Variants in CORIN observed in about 807,000 individuals in gnomAD.
CORIN encodes corin, serine peptidase, also known as atrial natriuretic peptide-converting enzyme.
In CORIN, 117 loss-of-function variants were observed where a neutral mutation model predicts 125.3. The ratio of observed to expected loss-of-function variants is 0.93; its 90% CI spans 0.80 to 1.09. The LOEUF (loss-of-function observed/expected upper bound fraction) is 1.09, where lower values mean the gene tolerates loss of function less well. CORIN is among the 50% of genes least tolerant of loss of function. CORIN has a pLI of 0.00. For synonymous variants in CORIN, 450 were observed against 466.4 expected (o/e 0.96, Z 0.45); for missense variants, 1,253 against 1,306.7 (o/e 0.96, Z 0.63).
intron 16 of CORIN, among the ~76,000 whole-genome samples, chr4:47,630,944 AGAAAAGG>A (rs1485613413): frequency 2.0e-5 from 3 of 152,170 alleles, no homozygotes; most frequent in Admixed American, 2.0e-4. Context: ...GCATCACTCT[AGAAAAGG>A]GATGAGGCTC....
chr4:47,815,059 G>A (rs1732208011), intron 1 of CORIN, among the ~76,000 whole-genome samples: 1 of 152,140 alleles, frequency 6.6e-6, no homozygotes, highest in Admixed American at 6.6e-5. Flanking sequence ...TTGTTTAGCT[G>A]AAGTCTGAAC....
At chr4:47,733,946 C>T (rs563126294) in intron 5 of CORIN, among the ~76,000 whole-genome samples, 4 of 152,164 alleles carry the variant, frequency 2.6e-5, no homozygotes, top group African/African-American at 9.6e-5. Context: ...GCAGCTGTTA[C>T]AAGTTGTGGG....
At chr4:47,632,725 T>TGACAGATA (rs1722859579) in intron 16 of CORIN, among the ~76,000 whole-genome samples, 1 of 126,658 alleles carries the variant, frequency 7.9e-6, no homozygotes, top group Non-Finnish European at 1.6e-5. Context: ...TGACAATAGA[T>TGACAGATA]GATAGATAGA....
chr4:47,606,731 C>A (rs1471404802), intron 19 of CORIN, among the ~76,000 whole-genome samples: 1 of 145,114 alleles, frequency 6.9e-6, no homozygotes, highest in Non-Finnish European at 1.5e-5. Context: ...TTTTTTCCTT[C>A]TTTTCCTTAT....
chr4:47,786,969 A>AT, intron 2 of CORIN, 44 bp from the exon 3 acceptor site: 1 of 1,329,006 alleles, frequency 7.5e-7, no homozygotes, highest in Non-Finnish European at 1.1e-6. Flanking sequence ...TCTTTGAAAC[A>AT]TTACTAGAAG....
intron 5 of CORIN, among the ~76,000 whole-genome samples, chr4:47,726,350 C>T (rs577248088): frequency 1.3e-5 from 2 of 151,978 alleles, no homozygotes; most frequent in Non-Finnish European, 2.9e-5. Flanking sequence ...TACAGCCATA[C>T]AATGGAATAC....
intron 4 of CORIN, among the ~76,000 whole-genome samples, chr4:47,745,868 T>TA (rs1439200453): frequency 6.6e-6 from 1 of 152,200 alleles, no homozygotes; most frequent in African/African-American, 2.4e-5. Flanking sequence ...ATTCAACAAT[T>TA]ACATTCAGAT....
chr4:47,608,406 C>T (rs907268246), intron 19 of CORIN, among the ~76,000 whole-genome samples: 8 of 152,202 alleles, frequency 5.3e-5, no homozygotes, highest in Non-Finnish European at 8.8e-5. Context: ...AAGGGAATTA[C>T]TTGCCATTTG....
intron 5 of CORIN, among the ~76,000 whole-genome samples, chr4:47,704,099 C>T (rs930752727): frequency 1.3e-5 from 2 of 152,162 alleles, no homozygotes; most frequent in Non-Finnish European, 2.9e-5. Flanking sequence ...GATTCTTTCT[C>T]CCAGGCTCCT....
chr4:47,753,214 C>T (rs111430560), intron 4 of CORIN, among the ~76,000 whole-genome samples: 308 of 151,882 alleles, frequency 2.0e-3, no homozygotes, highest in African/African-American at 3.5e-3. Flanking sequence ...TGGGGGTGTA[C>T]GAACAAGGAA....
intron 4 of CORIN, among the ~76,000 whole-genome samples, chr4:47,755,126 A>G (rs996758806): frequency 2.8e-4 from 42 of 152,324 alleles, no homozygotes; most frequent in African/African-American, 9.6e-4. Context: ...AGTTCTCATC[A>G]GTCAGTTTAA....
At chr4:47,772,656 T>C (rs541838640) in intron 3 of CORIN, among the ~76,000 whole-genome samples, 3 of 152,240 alleles carry the variant, frequency 2.0e-5, no homozygotes, top group Non-Finnish European at 4.4e-5. Flanking sequence ...TGAACTCCTC[T>C]GTTTATCAGT....
In CORIN at chr4:47,786,922, G is replaced by C. The variant is rs1002635879; in HGVS notation, c.212C>G (p.Thr71Arg). ...TGATTTAAAATAGACCTTTTGTAAT[G>C]TTCCTGAAAGACAAAAACAAACACA... Reference protein sequence around the residue: ...LLVILLSYVGTLQKVYFKSNG... With the variant: ...LLVILLSYVGRLQKVYFKSNG... Residue 71 changes from threonine (T) to arginine (R), a missense_variant, in exon 3 of 22, where the codon ACA becomes AGA. Coordinates refer to ENST00000273857, the MANE Select transcript of CORIN (RefSeq NM_006587.4). 1.2e-6 allele frequency: 2 copies of C among 1,600,602 alleles called. No homozygotes were observed. Among genetic ancestry groups the C allele is most frequent in the Non-Finnish European group, 1.7e-6 (2 of 1,172,162 alleles).
At chr4:47,785,909 CAAAAAA>C (rs11313881) in intron 3 of CORIN, among the ~76,000 whole-genome samples, 3 of 80,500 alleles carry the variant, frequency 3.7e-5, no homozygotes, top group African/African-American at 1.6e-4. Context: ...GACTCCATCT[CAAAAAA>C]AAAAAAAAAA....
At chr4:47,683,646 T>C in intron 7 of CORIN, 85 bp downstream of exon 7, 1 of 933,636 alleles carries the variant, frequency 1.1e-6, no homozygotes, top group Non-Finnish European at 1.6e-6. Context: ...CTGCTAATCA[T>C]ATTAACACAT....
At chr4:47,752,162 C>G (rs1207816076) in intron 4 of CORIN, among the ~76,000 whole-genome samples, 2 of 152,184 alleles carry the variant, frequency 1.3e-5, no homozygotes, top group Admixed American at 1.3e-4. Flanking sequence ...AATTGCACCT[C>G]TTTTCACCAT....
At chr4:47,775,752 G>C (rs1730269166) in intron 3 of CORIN, among the ~76,000 whole-genome samples, 1 of 152,100 alleles carries the variant, frequency 6.6e-6, no homozygotes, top group African/African-American at 2.4e-5. Flanking sequence ...GTGTCCCCAG[G>C]CATTTTCTGC....
chr4:47,830,761 T>C (rs1213854470), intron 1 of CORIN, among the ~76,000 whole-genome samples: 1 of 152,176 alleles, frequency 6.6e-6, no homozygotes, highest in African/African-American at 2.4e-5. Context: ...TTTTCACCAT[T>C]CAGGAGGTTC....
At chr4:47,652,642 C>T (rs1256791803) in intron 13 of CORIN, 1 of 152,184 alleles carries the variant, frequency 6.6e-6, no homozygotes, top group Admixed American at 6.5e-5. Flanking sequence ...ACAACTAAGT[C>T]CACTCAAATT....
Sources: gnomAD v4.1 joint callset for allele counts (sites outside exome capture counted in the v4.1 genomes callset) on GRCh38, gnomAD v4.1.1 for gene constraint, MANE v1.5 for transcripts, NCBI Gene and HGNC (gene_info 2026-07-23, HGNC 2026-07-21) for gene names.